Variants in STPG2 observed in about 807,000 individuals in gnomAD.
The protein encoded by STPG2 is sperm-tail PG-rich repeat-containing protein 2.
In STPG2, 56 loss-of-function variants were observed where a neutral mutation model predicts 54.2. The ratio of observed to expected loss-of-function variants is 1.03; its 90% CI spans 0.83 to 1.29. The LOEUF is 1.29. STPG2 is among the 50% of genes most tolerant of loss of function. STPG2 has a pLI of 0.00. For synonymous variants in STPG2, 200 were observed against 181.8 expected (o/e 1.10, Z -0.81); for missense variants, 596 against 544.9 (o/e 1.09, Z -0.93).
chr4:97,921,132 C>T (rs566565942), intron 8 of STPG2, among the ~76,000 whole-genome samples: 1 of 152,274 alleles, frequency 6.6e-6, no homozygotes, highest in Non-Finnish European at 1.5e-5. Flanking sequence ...CAAGCCCAGG[C>T]AGCATACTGT....
At chr4:97,740,075 A>G (rs898031616) in intron 9 of STPG2, among the ~76,000 whole-genome samples, 56 of 152,128 alleles carry the variant, frequency 3.7e-4, no homozygotes, top group Admixed American at 3.3e-4. Flanking sequence ...AAATCAATAA[A>G]TGTAATCCAG....
chr4:97,508,719 G>A (rs1392457839), intron 4 of STPG2, among the ~76,000 whole-genome samples: 2 of 151,864 alleles, frequency 1.3e-5, no homozygotes. Flanking sequence ...GAATTTGTTT[G>A]AACAAAAAAT....
chr4:98,045,948 T>C (rs1311229458), intron 5 of STPG2, among the ~76,000 whole-genome samples: 1 of 59,682 alleles, frequency 1.7e-5, no homozygotes, highest in East Asian at 3.6e-4. Flanking sequence ...TTTCTATCCC[T>C]TCCTCTTTCT....
At chr4:97,643,618 G>A (rs933804266) in intron 10 of STPG2, among the ~76,000 whole-genome samples, 3 of 151,626 alleles carry the variant, frequency 2.0e-5, no homozygotes, top group African/African-American at 7.3e-5. Flanking sequence ...ACAGTTGTGA[G>A]GCTATATATC....
intron 6 of STPG2, among the ~76,000 whole-genome samples, chr4:97,975,126 G>C (rs764907888): frequency 2.0e-5 from 3 of 152,162 alleles, no homozygotes; most frequent in Non-Finnish European, 4.4e-5. Flanking sequence ...CCTAGGGCCA[G>C]AAGTGGGAAT....
In STPG2 at chr4:97,863,494, T is replaced by C. The variant is rs547362171; in HGVS notation, c.1045-22562A>G. On this transcript the variant is annotated intron_variant, in intron 8 of 10. Coordinates refer to ENST00000295268, the MANE Select transcript of STPG2 (RefSeq NM_174952.3). ...AAAAAAAAGTCCAGGACCAGATGGATTCATAGCCGAATTCTACCAGAGGTA... is the reference window on the plus strand; with the variant it reads ...AAAAAAAAGTCCAGGACCAGATGGACTCATAGCCGAATTCTACCAGAGGTA... Among the ~76,000 whole-genome samples, 5 of 152,280 alleles carry C rather than the reference T, an allele frequency of 3.3e-5. No individual in the cohort carries two copies. In the East Asian group the frequency reaches 7.7e-4, roughly 24 times the overall value.
intron 4 of STPG2, among the ~76,000 whole-genome samples, chr4:97,506,290 G>C (rs1233742363): frequency 6.6e-6 from 1 of 151,912 alleles, no homozygotes; most frequent in African/African-American, 2.4e-5. Flanking sequence ...AAGTTAATAG[G>C]CTGATCAAGA....
At chr4:97,610,718 C>CA (rs1488494721) in intron 10 of STPG2, among the ~76,000 whole-genome samples, 1 of 151,868 alleles carries the variant, frequency 6.6e-6, no homozygotes, top group African/African-American at 2.4e-5. Context: ...CAGGCAGGAA[C>CA]ATTGTAATGA....
At chr4:97,578,102 CTTTTT>C (rs10571752) in intron 10 of STPG2, among the ~76,000 whole-genome samples, 4 of 115,974 alleles carry the variant, frequency 3.4e-5, no homozygotes, top group Admixed American at 9.1e-5. Flanking sequence ...TTCTTTCTTT[CTTTTT>C]TTTTTTTTTT....
At chr4:97,557,259 A>G (rs1428373853), downstream of STPG2, among the ~76,000 whole-genome samples, 7 of 152,148 alleles carry the variant, frequency 4.6e-5, no homozygotes, top group African/African-American at 1.7e-4. Flanking sequence ...GGATACAGTT[A>G]CTCATTTAGA....
chr4:98,072,907 C>T (rs186300239), intron 5 of STPG2, among the ~76,000 whole-genome samples: 15 of 152,080 alleles, frequency 9.9e-5, no homozygotes, highest in Non-Finnish European at 1.8e-4. Flanking sequence ...ATTAGTCGTG[C>T]GAGGTTGAGC....
chr4:97,550,691 C>A (rs986856511), intron 4 of STPG2, among the ~76,000 whole-genome samples: 2 of 152,098 alleles, frequency 1.3e-5, no homozygotes, highest in African/African-American at 4.8e-5. Flanking sequence ...TATTACAGTT[C>A]TTAAAGATGG....
At chr4:97,609,481 A>T (rs751021940) in intron 10 of STPG2, among the ~76,000 whole-genome samples, 8 of 151,976 alleles carry the variant, frequency 5.3e-5, no homozygotes, top group Non-Finnish European at 8.8e-5. Context: ...AAGAGGTAGA[A>T]GACAGAAATA....
intron 9 of STPG2, among the ~76,000 whole-genome samples, chr4:97,804,488 C>T (rs1339551903): frequency 6.6e-6 from 1 of 151,902 alleles, no homozygotes; most frequent in Non-Finnish European, 1.5e-5. Flanking sequence ...AAAAAGCTTA[C>T]AGAATAAGGA....
Position 98,115,775 on chromosome 4 carries a change from T to C in STPG2, c.388-6470A>G, listed in dbSNP as rs940937359. Among the ~76,000 whole-genome samples the C allele has an allele frequency of 3.3e-5, 5 of 152,120 alleles. No individual in the cohort carries two copies. The South Asian group carries it at 6.2e-4, about 19-fold the overall frequency. ...ACAGTATCAATTTGGCAGTAGTTTG[T>C]GAAGAACCTGTGTTTTTCTGCAGGA... On this transcript the variant is annotated intron_variant, in intron 3 of 10. Coordinates refer to ENST00000295268, the MANE Select transcript of STPG2 (RefSeq NM_174952.3).
intron 9 of STPG2, among the ~76,000 whole-genome samples, chr4:97,759,539 G>A (rs1725827729): frequency 6.6e-6 from 1 of 152,126 alleles, no homozygotes; most frequent in African/African-American, 2.4e-5. Flanking sequence ...AAGAATGTAA[G>A]CCATCAAGAA....
intron 5 of STPG2, among the ~76,000 whole-genome samples, chr4:98,087,395 A>C (rs1026774211): frequency 3.2e-4 from 49 of 152,136 alleles, no homozygotes; most frequent in African/African-American, 1.2e-3. Flanking sequence ...GGTTCTCAGT[A>C]CTCACCAAGA....
intron 9 of STPG2, among the ~76,000 whole-genome samples, chr4:97,826,578 A>C (rs1266631018): frequency 6.6e-6 from 1 of 152,222 alleles, no homozygotes; most frequent in Non-Finnish European, 1.5e-5. Flanking sequence ...CTTATGGTCA[A>C]ACTGATTAAG....
intron 10 of STPG2, among the ~76,000 whole-genome samples, chr4:97,625,667 G>A (rs528652975): frequency 6.6e-6 from 1 of 152,122 alleles, no homozygotes; most frequent in Non-Finnish European, 1.5e-5. Flanking sequence ...CAGTCTATCT[G>A]ATAAATAAAT....
Sources: gnomAD v4.1 joint callset for allele counts (sites outside exome capture counted in the v4.1 genomes callset) on GRCh38, gnomAD v4.1.1 for gene constraint, MANE v1.5 for transcripts, NCBI Gene and HGNC (gene_info 2026-07-23, HGNC 2026-07-21) for gene names.